CEP250: variants seen among roughly 807,000 people sequenced by gnomAD.
The protein encoded by CEP250 is centrosome-associated protein CEP250.
Under a neutral mutation model 315.7 loss-of-function variants are expected in CEP250, and 242 were observed. The observed-to-expected ratio is 0.77, with a 90% CI of 0.69 to 0.85. CEP250 has a LOEUF of 0.85. Among genes scored for constraint, CEP250 ranks in the 40% least tolerant of loss-of-function variants. The probability of loss-of-function intolerance (pLI) is 0.00; values close to 1 mark genes in which losing one functional copy is unlikely to be tolerated. For synonymous variants in CEP250, 1,088 were observed against 1,175.0 expected (o/e 0.93, Z 1.51); for missense variants, 2,515 against 2,886.4 (o/e 0.87, Z 2.95).
At chr20:35,502,289 T>C in intron 29 of CEP250, 101 bp from the exon 30 acceptor site, 1 of 1,091,132 alleles carries the variant, frequency 9.2e-7, no homozygotes, top group Non-Finnish European at 1.3e-6. Flanking sequence ...CCCAAGTCCT[T>C]ATCACTGCTA....
At chr20:35,510,193 C>A in intron 34 of CEP250, 139 bp downstream of exon 34, 1 of 745,790 alleles carries the variant, frequency 1.3e-6, no homozygotes, top group Non-Finnish European at 2.4e-6. Context: ...CAGTCCCAAC[C>A]CCATCTCTCA....
chr20:35,461,384 A>G (rs1474821432), intron 3 of CEP250, among the ~76,000 whole-genome samples: 1 of 132,384 alleles, frequency 7.6e-6, no homozygotes, highest in Non-Finnish European at 1.5e-5. Flanking sequence ...AGCTTGGACT[A>G]ACACCCAGAA....
At chr20:35,479,872 G>C in intron 19 of CEP250, 99 bp downstream of exon 19, 1 of 1,596,914 alleles carries the variant, frequency 6.3e-7, no homozygotes, top group East Asian at 2.2e-5. Context: ...CCAGCAGGGT[G>C]CAGGGCCTCT....
chr20:35,467,496 C>T lies in CEP250; in HGVS notation c.792C>T (p.Ser264=). 1 of 1,614,068 alleles carries T rather than the reference C, an allele frequency of 6.2e-7. No homozygotes were observed. Among genetic ancestry groups the T allele is most frequent in the East Asian group, 2.2e-5 (1 of 44,882 alleles). The change falls in exon 9 of 35, where the codon AGC becomes AGT. Residue 264 remains serine (S), a synonymous_variant. Coordinates refer to ENST00000397527, the MANE Select transcript of CEP250 (RefSeq NM_007186.6). ...QELEKEAHER[S]QELIQLKSQG... Reference sequence around the variant, plus strand: ...TGGAGAAGGAAGCCCATGAAAGGAGCCAGGAGTTAATACAGCTGAAGAGTC... The same window carrying T: ...TGGAGAAGGAAGCCCATGAAAGGAGTCAGGAGTTAATACAGCTGAAGAGTC...
At chr20:35,467,223 C>T (rs2062905298) in intron 8 of CEP250, 81 bp from the exon 9 acceptor site, 3 of 1,519,444 alleles carry the variant, frequency 2.0e-6, no homozygotes, top group Admixed American at 1.7e-5. Flanking sequence ...CAGCCCTGCT[C>T]CTCAGGCTTC....
Position 35,517,046 on chromosome 20 carries a change from T to C in CEP250, c.*5420T>C, listed in dbSNP as rs1863461348. ...GGGCACTGAGAAAAGTGGGAAGCCA[T>C]GGTCACAGACTCTACATTCCCCTCT... is the stretch of plus-strand genomic sequence containing the variant. On this transcript the variant is annotated 3_prime_UTR_variant, in exon 35 of 35. Transcript: ENST00000397527. 1.0e-6 allele frequency: 1 copy of C among 985,200 alleles called. No individual in the cohort carries two copies. The highest frequency in any genetic ancestry group is 1.2e-6 in the Non-Finnish European group (1 of 829,686). The allele number at this position is 985,200 out of a possible 1,614,324, so 61.0% of individuals were successfully genotyped here.
chr20:35,487,307 A>C (rs1191371966), intron 20 of CEP250, among the ~76,000 whole-genome samples: 1 of 151,866 alleles, frequency 6.6e-6, no homozygotes, highest in Non-Finnish European at 1.5e-5. Context: ...GTCTCTACTA[A>C]AAATACAAAA....
Position 35,512,427 on chromosome 20 carries a change from C to A in CEP250, c.*801C>A, listed in dbSNP as rs2064382676. On this transcript the variant is annotated 3_prime_UTR_variant, in exon 35 of 35. Coordinates refer to ENST00000397527, the MANE Select transcript of CEP250 (RefSeq NM_007186.6). ...TGGGGCCTCAAAAACACAGCGTTGA[C>A]CTTTAGCTAAAGTCAGAGTCTCTGA... is the stretch of plus-strand genomic sequence containing the variant. 1 of 152,164 alleles carries A rather than the reference C, an allele frequency of 6.6e-6. No individual in the cohort carries two copies. Among genetic ancestry groups the A allele is most frequent in the Non-Finnish European group, 1.5e-5 (1 of 68,048 alleles). 9.4% of individuals were successfully genotyped at this position (152,164 alleles called of 1,614,324 possible). A position where few individuals can be genotyped will look rare whatever the true frequency, so the allele number is the denominator to read the frequency against.
At position 35,462,262 on chromosome 20, in the gene CEP250, C is replaced by T; in HGVS notation, c.-103-3C>T. 7 of 811,104 alleles carry T rather than the reference C, an allele frequency of 8.6e-6. No individual in the cohort carries two copies. Among genetic ancestry groups the T allele is most frequent in the Non-Finnish European group, 1.4e-5 (7 of 515,474 alleles). 50.2% of individuals were successfully genotyped at this position (811,104 alleles called of 1,614,324 possible). A position where few individuals can be genotyped will look rare whatever the true frequency, so the allele number is the denominator to read the frequency against. On this transcript the variant is annotated splice_region_variant and splice_polypyrimidine_tract_variant and intron_variant, in intron 3 of 34. Coordinates refer to ENST00000397527, the MANE Select transcript of CEP250 (RefSeq NM_007186.6). ...CCATTTGACTATGTGCTTTGGTCCC[C>T]AGTTCAAGAGGAGGTTGAAGTGGCA... is the stretch of plus-strand genomic sequence containing the variant.
chr20:35,479,389 C>T lies in CEP250; in HGVS notation c.2253C>T (p.Asp751=), dbSNP rs778073765. The part of the protein sequence containing the change: ...LEVRLQAVER[D]RQDLAEQLQG... Reference sequence around the variant, plus strand: ...TGCGGCTGCAGGCCGTGGAGCGTGACCGGCAGGACCTCGCTGAACAACTAC... The same window carrying T: ...TGCGGCTGCAGGCCGTGGAGCGTGATCGGCAGGACCTCGCTGAACAACTAC... Residue 751 remains aspartate (D), a synonymous_variant, in exon 18 of 35, where the codon GAC becomes GAT. Coordinates refer to ENST00000397527, the MANE Select transcript of CEP250 (RefSeq NM_007186.6). 4 of 1,614,104 alleles carry T rather than the reference C, an allele frequency of 2.5e-6. No homozygotes were observed. Among genetic ancestry groups the T allele is most frequent in the Non-Finnish European group, 3.4e-6 (4 of 1,179,992 alleles).
rs779431510 is a variant in CEP250 at position 35,496,734 on chromosome 20, A to T, written c.3306+19A>T. On this transcript the variant is annotated intron_variant, in intron 25 of 34. Transcript: ENST00000397527. ...TGCTCAGGTACTTCCCACTCTGGTT[A>T]TGAGCTCTGCATCCCTGGCAGAAGC... The T allele has an allele frequency of 6.2e-7, 1 of 1,607,992 alleles. No homozygotes were observed. Among genetic ancestry groups the T allele is most frequent in the Non-Finnish European group, 8.5e-7 (1 of 1,177,362 alleles).
Position 35,467,388 on chromosome 20 carries a change from G to A in CEP250, c.684G>A (p.Gln228=). Residue 228 remains glutamine (Q), a synonymous_variant, in exon 9 of 35, where the codon CAG becomes CAA. Coordinates refer to ENST00000397527, the MANE Select transcript of CEP250 (RefSeq NM_007186.6). ...GTCTGCGCTTGACTGTGGGAGCACA[G>A]TCTCGGGAACCCAACGGATCTGGAA... ...TCCLRLTVGA[Q]SREPNGSGRM... 4 of 1,614,226 alleles carry A rather than the reference G, an allele frequency of 2.5e-6. No individual in the cohort carries two copies. Among genetic ancestry groups the A allele is most frequent in the Non-Finnish European group, 3.4e-6 (4 of 1,180,030 alleles).
At chr20:35,472,951 C>T in intron 12 of CEP250, 120 bp downstream of exon 12, 1 of 939,520 alleles carries the variant, frequency 1.1e-6, no homozygotes, top group South Asian at 1.6e-5. Context: ...ATGAGGTGTT[C>T]TGTCAATATC....
intron 17 of CEP250, among the ~76,000 whole-genome samples, chr20:35,478,918 T>C (rs2063254557): frequency 6.6e-6 from 1 of 152,028 alleles, no homozygotes; most frequent in Non-Finnish European, 1.5e-5. Flanking sequence ...CTTCACAGAG[T>C]CCCTTTCTCG....
intron 5 of CEP250, among the ~76,000 whole-genome samples, chr20:35,463,847 A>G (rs1475443686): frequency 6.6e-6 from 1 of 152,192 alleles, no homozygotes; most frequent in Non-Finnish European, 1.5e-5. Context: ...CGAAATGTAA[A>G]TTAGATTGGA....
intron 7 of CEP250, among the ~76,000 whole-genome samples, chr20:35,466,537 A>G (rs1044068502): frequency 1.3e-5 from 2 of 152,156 alleles, no homozygotes; most frequent in African/African-American, 4.8e-5. Flanking sequence ...TCTAGATGCT[A>G]AGGAGGTAGA....
rs1037851294 is a variant in CEP250 at position 35,512,377 on chromosome 20, G to A, written c.*751G>A. 3 of 152,198 alleles carry A rather than the reference G, an allele frequency of 2.0e-5. No individual in the cohort carries two copies. The highest frequency in any genetic ancestry group is 6.5e-5 in the Admixed American group (1 of 15,272). The allele number at this position is 152,198 out of a possible 1,614,324, so 9.4% of individuals were successfully genotyped here. A position where few individuals can be genotyped will look rare whatever the true frequency, so the allele number is the denominator to read the frequency against. The stretch of plus-strand genomic sequence containing the variant: ...TGAGCTTGGGTGGGTTGAGCGGGGA[G>A]ATTTTGGAGGGTTAAAAGAAGTTCT... On this transcript the variant is annotated 3_prime_UTR_variant, in exon 35 of 35. Coordinates refer to ENST00000397527, the MANE Select transcript of CEP250 (RefSeq NM_007186.6).
Position 35,511,609 on chromosome 20 carries a change from C to G in CEP250, c.7312C>G (p.Gln2438Glu). ...GCTACACCCCAGCCCCAGCACTACC[C>G]AAGCCGCCTCCAGGTAGCAGCCACA... The part of the protein sequence containing the change: ...VLLHPSPSTT[Q>E]AASR Residue 2438 changes from glutamine to glutamate, a missense_variant, in exon 35 of 35, where the codon CAA becomes GAA. Transcript: ENST00000397527. 1 of 1,610,026 alleles carries G rather than the reference C, an allele frequency of 6.2e-7. No homozygotes were observed. Among genetic ancestry groups the G allele is most frequent in the Non-Finnish European group, 8.5e-7 (1 of 1,177,572 alleles).
At chr20:35,501,028 A>T (rs2063987666) in intron 28 of CEP250, among the ~76,000 whole-genome samples, 1 of 152,176 alleles carries the variant, frequency 6.6e-6, no homozygotes, top group Admixed American at 6.5e-5. Context: ...AGCCTTTGGT[A>T]GCTGAGGGAT....
Sources: allele counts gnomAD v4.1 joint callset (sites outside exome capture counted in the v4.1 genomes callset), GRCh38; gene constraint gnomAD v4.1.1; transcripts MANE v1.5; gene names NCBI Gene and HGNC (gene_info 2026-07-23, HGNC 2026-07-21).